DOCK5: variants seen among roughly 807,000 people sequenced by gnomAD.
The protein encoded by DOCK5 is dedicator of cytokinesis 5, also known as dedicator of cytokinesis protein 5.
Under a neutral mutation model 251.8 loss-of-function variants are expected in DOCK5, and 142 were observed. The observed-to-expected ratio is 0.56, with a 90% CI of 0.49 to 0.65. The LOEUF is 0.65. Ranked by LOEUF, DOCK5 falls within the 30% of genes least tolerant of loss-of-function variation. The probability of loss-of-function intolerance (pLI) is 0.00; values close to 1 mark genes in which losing one functional copy is unlikely to be tolerated. For synonymous variants in DOCK5, 842 were observed against 835.5 expected, an observed-to-expected ratio of 1.01 and a Z score of -0.13; for missense variants, 2,111 against 2,312.3, an observed-to-expected ratio of 0.91 and a Z score of 1.79.
At chr8:25,389,637 A>T (rs1440794887) in intron 41 of DOCK5, among the ~76,000 whole-genome samples, 2 of 152,178 alleles carry the variant, frequency 1.3e-5, no homozygotes, top group Non-Finnish European at 2.9e-5. Flanking sequence ...GCTGCTTTTG[A>T]AGCCTAACTT....
At chr8:25,279,738 C>A (rs1447965782) in intron 5 of DOCK5, among the ~76,000 whole-genome samples, 1 of 152,124 alleles carries the variant, frequency 6.6e-6, no homozygotes, top group Non-Finnish European at 1.5e-5. Context: ...CCTCAGCCTC[C>A]CAAGTAGCTG....
chr8:25,281,977 T>C (rs1354730532), intron 5 of DOCK5, among the ~76,000 whole-genome samples: 2 of 152,136 alleles, frequency 1.3e-5, no homozygotes, highest in African/African-American at 4.8e-5. Flanking sequence ...ATTATTTTGG[T>C]ATTTGTGAAT....
At chr8:25,277,361 C>G (rs940474284) in intron 4 of DOCK5, 1 of 152,748 alleles carries the variant, frequency 6.5e-6, no homozygotes, top group African/African-American at 2.4e-5. Context: ...TATTTTCATT[C>G]TGACTAACAA....
chr8:25,260,517 G>T (rs773816593), intron 2 of DOCK5, among the ~76,000 whole-genome samples: 3 of 152,134 alleles, frequency 2.0e-5, no homozygotes, highest in East Asian at 3.9e-4. Context: ...TGCTTTTCTT[G>T]TTGGGAAATC....
chr8:25,205,341 C>T (rs754055701), intron 1 of DOCK5, among the ~76,000 whole-genome samples: 5 of 152,078 alleles, frequency 3.3e-5, no homozygotes, highest in South Asian at 2.1e-4. Context: ...ACCTATAAGC[C>T]GGGAAGAGAG....
chr8:25,193,446 T>C (rs773014182), intron 1 of DOCK5, among the ~76,000 whole-genome samples: 4 of 151,176 alleles, frequency 2.6e-5, no homozygotes, highest in Non-Finnish European at 5.9e-5. Context: ...CCATTTTAAA[T>C]AGAAAAATCA....
chr8:25,356,599 G>T (rs1800573999), intron 27 of DOCK5, among the ~76,000 whole-genome samples: 1 of 151,942 alleles, frequency 6.6e-6, no homozygotes, highest in Non-Finnish European at 1.5e-5. Flanking sequence ...CCCCAGGGAA[G>T]TCGAGGCTAC....
chr8:25,210,620 C>A lies in DOCK5; in HGVS notation c.43+25669C>A, dbSNP rs1802111121. Among the ~76,000 whole-genome samples the A allele has an allele frequency of 2.9e-5, 2 of 70,050 alleles. 1 individual carries two copies. Among genetic ancestry groups the A allele is most frequent in the Non-Finnish European group, 9.3e-5 (2 of 21,434 alleles). The allele number at this position is 70,050 out of a possible 152,430, so 46.0% of individuals were successfully genotyped here. On this transcript the variant is annotated intron_variant, in intron 1 of 51. Coordinates refer to ENST00000276440, the MANE Select transcript of DOCK5 (RefSeq NM_024940.8). ...TCTACTGAAAAATACAAAAATTAGC[C>A]AAGTGTGGTGACACATGCCTGTAAT...
chr8:25,274,593 C>T (rs1291799671), intron 3 of DOCK5, among the ~76,000 whole-genome samples: 1 of 152,162 alleles, frequency 6.6e-6, no homozygotes, highest in African/African-American at 2.4e-5. Flanking sequence ...GGCAGTGTTA[C>T]AATACTGATG....
chr8:25,345,124 C>T (rs1415146068), intron 25 of DOCK5, among the ~76,000 whole-genome samples: 2 of 151,888 alleles, frequency 1.3e-5, no homozygotes, highest in Non-Finnish European at 2.9e-5. Flanking sequence ...AAATGTATAA[C>T]TTGCTTGGTT....
At chr8:25,385,408 A>G (rs546100663) in intron 40 of DOCK5, among the ~76,000 whole-genome samples, 5 of 152,074 alleles carry the variant, frequency 3.3e-5, no homozygotes, top group African/African-American at 9.6e-5. Flanking sequence ...AGGGGTGGAG[A>G]TGAGGTCACA....
chr8:25,302,719 A>C (rs2709636), intron 10 of DOCK5, among the ~76,000 whole-genome samples: 13 of 152,074 alleles, frequency 8.5e-5, no homozygotes, highest in Non-Finnish European at 1.8e-4. Context: ...CAATGGAATA[A>C]TACTCGCCTT....
intron 26 of DOCK5, among the ~76,000 whole-genome samples, chr8:25,347,692 A>G (rs1800394000): frequency 6.6e-6 from 1 of 152,214 alleles, no homozygotes; most frequent in African/African-American, 2.4e-5. Context: ...TCCAAAGTTA[A>G]TGTAAAACAC....
intron 1 of DOCK5, among the ~76,000 whole-genome samples, chr8:25,229,730 T>G (rs1425116990): frequency 1.3e-5 from 2 of 152,212 alleles, no homozygotes; most frequent in Admixed American, 1.3e-4. Flanking sequence ...TATATTCATA[T>G]TTAATAATTC....
intron 9 of DOCK5, among the ~76,000 whole-genome samples, chr8:25,301,508 T>G (rs1192157174): frequency 6.6e-6 from 1 of 152,200 alleles, no homozygotes; most frequent in Non-Finnish European, 1.5e-5. Flanking sequence ...TTAGTTTTTT[T>G]TCTGAAGTCG....
At position 25,334,182 on chromosome 8, in the gene DOCK5, C is replaced by A; in HGVS notation, c.2178C>A (p.Ala726=). ...LETYIYKHFS[A]TLAYVKLSKV... ...CCTACATTTACAAGCACTTCAGCGC[C>A]ACTTTGGCATATGTGTAAGTATGAT... Residue 726 remains alanine, a synonymous_variant, in exon 21 of 52, where the codon GCC becomes GCA. Coordinates refer to ENST00000276440, the MANE Select transcript of DOCK5 (RefSeq NM_024940.8). 6.2e-7 allele frequency: 1 copy of A among 1,613,406 alleles called. No homozygotes were observed. The highest frequency in any genetic ancestry group is 1.1e-5 in the South Asian group (1 of 91,056).
intron 5 of DOCK5, among the ~76,000 whole-genome samples, chr8:25,286,882 T>C (rs1424355382): frequency 6.6e-6 from 1 of 152,108 alleles, no homozygotes; most frequent in East Asian, 1.9e-4. Context: ...AGACAGAGTC[T>C]TTAGCCCATG....
intron 6 of DOCK5, among the ~76,000 whole-genome samples, chr8:25,292,944 G>A (rs1394975694): frequency 2.6e-5 from 4 of 152,112 alleles, no homozygotes; most frequent in Admixed American, 2.6e-4. Context: ...AGTAAAACAT[G>A]TTTGTAGCCT....
intron 27 of DOCK5, among the ~76,000 whole-genome samples, chr8:25,354,766 A>T (rs1280818129): frequency 1.3e-5 from 2 of 152,262 alleles, no homozygotes; most frequent in Non-Finnish European, 2.9e-5. Flanking sequence ...TAGGAAATAC[A>T]TTTATAAAAT....
Sources: gnomAD v4.1 joint callset for allele counts (sites outside exome capture counted in the v4.1 genomes callset) on GRCh38, gnomAD v4.1.1 for gene constraint, MANE v1.5 for transcripts, NCBI Gene and HGNC (gene_info 2026-07-23, HGNC 2026-07-21) for gene names.